TSPAN19: variants seen among roughly 807,000 people sequenced by gnomAD.
TSPAN19 encodes tetraspanin 19, also known as tetraspanin-19.
Under a neutral mutation model 35.1 loss-of-function variants are expected in TSPAN19, and 44 were observed. The ratio of observed to expected loss-of-function variants is 1.25; its 90% confidence interval spans 0.98 to 1.61. The LOEUF (loss-of-function observed/expected upper bound fraction) is 1.61. Ranked by LOEUF, TSPAN19 falls within the 40% of genes most tolerant of loss-of-function variation. TSPAN19 has a pLI of 0.00. For missense variants in TSPAN19, 290 were observed against 280.0 expected (o/e 1.04, Z -0.26); for synonymous variants, 79 against 92.0 (o/e 0.86, Z 0.81).
Position 85,015,887 on chromosome 12 carries a change from C to T in TSPAN19, c.678+1G>A. ...ATTTTAACATATGAACAAAAGCTTA[C>T]CTCTGAAGTTAAAAGTCCAAAGTTA... On this transcript the variant is annotated splice_donor_variant, in intron 8 of 8. Transcript: ENST00000532498. LOFTEE classifies it high-confidence loss of function. 4 of 1,540,316 alleles carry T rather than the reference C, an allele frequency of 2.6e-6. No individual in the cohort carries two copies. The highest frequency in any genetic ancestry group is 2.6e-6 in the Non-Finnish European group (3 of 1,138,900).
chr12:85,032,927 ATAAT>A (rs553695900), intron 1 of TSPAN19, among the ~76,000 whole-genome samples: 9 of 152,264 alleles, frequency 5.9e-5, no homozygotes, highest in Non-Finnish European at 8.8e-5. Context: ...ACAACTTACA[ATAAT>A]TAATCTATTC....
Position 85,029,736 on chromosome 12 carries a change from T to A in TSPAN19, c.122A>T (p.Asn41Ile). Residue 41 changes from asparagine (N) to isoleucine (I), a missense_variant, in exon 3 of 9, where the codon AAT becomes ATT. Asn to Ile is a moderately radical substitution (Grantham distance 149). Transcript: ENST00000532498. ...FGAWLLLDRN[N>I]FLTAFDENNH... ...ATACATACCAAAAGCTGTTAAAAAATTATTTCTATCTAATAAGAGCCATGC... is the reference window on the plus strand; with the variant it reads ...ATACATACCAAAAGCTGTTAAAAAAATATTTCTATCTAATAAGAGCCATGC... 1.9e-6 allele frequency: 3 copies of A among 1,538,502 alleles called. No homozygotes were observed. Among genetic ancestry groups the A allele is most frequent in the Non-Finnish European group, 2.6e-6 (3 of 1,143,620 alleles).
At chr12:85,017,385 T>A in intron 7 of TSPAN19, 71 bp downstream of exon 7, 1 of 1,407,332 alleles carries the variant, frequency 7.1e-7, no homozygotes, top group Non-Finnish European at 9.6e-7. Flanking sequence ...TTGCTCAGAA[T>A]TCTAAATTGA....
At position 85,014,392 on chromosome 12, in the gene TSPAN19, A is replaced by T. The variant is rs1348585596; in HGVS notation, c.*95T>A. On this transcript the variant is annotated 3_prime_UTR_variant, in exon 9 of 9. Transcript: ENST00000532498. ...AATTAATAATTTGAATACATCTGTT[A>T]TTTAATACAATTCAAAACGTTTTTG... 1.3e-6 allele frequency: 1 copy of T among 797,836 alleles called. No individual in the cohort carries two copies. The highest frequency in any genetic ancestry group is 1.8e-5 in the African/African-American group (1 of 55,486). 49.4% of individuals were successfully genotyped at this position (797,836 alleles called of 1,614,324 possible).
chr12:85,033,799 G>A (rs1259301488), intron 1 of TSPAN19, among the ~76,000 whole-genome samples: 1 of 152,072 alleles, frequency 6.6e-6, no homozygotes, highest in Non-Finnish European at 1.5e-5. Flanking sequence ...ATCATCATCT[G>A]TAAATGCAGA....
chr12:85,015,628 A>G (rs1358544928), intron 8 of TSPAN19: 1 of 260,268 alleles, frequency 3.8e-6, no homozygotes, highest in Non-Finnish European at 7.1e-6. Flanking sequence ...ATAGATATAT[A>G]TAGAAAGAAA....
chr12:85,028,432 A>T (rs1877527515), intron 3 of TSPAN19, among the ~76,000 whole-genome samples: 1 of 152,170 alleles, frequency 6.6e-6, no homozygotes. Flanking sequence ...TTTATTGCTA[A>T]TATGATCCCT....
At chr12:85,029,463 T>C (rs1481162317) in intron 3 of TSPAN19, among the ~76,000 whole-genome samples, 1 of 152,142 alleles carries the variant, frequency 6.6e-6, no homozygotes, top group African/African-American at 2.4e-5. Flanking sequence ...CTTCTAGCTA[T>C]TTGTGACTAT....
At chr12:85,025,217 C>A (rs540825598) in intron 4 of TSPAN19, among the ~76,000 whole-genome samples, 51 of 151,566 alleles carry the variant, frequency 3.4e-4, no homozygotes, top group African/African-American at 1.1e-3. Context: ...CTCTCTGCAA[C>A]CTTCGCCTCC....
intron 8 of TSPAN19, 45 bp from the exon 9 acceptor site, chr12:85,014,600 T>C: frequency 7.0e-6 from 10 of 1,431,646 alleles, no homozygotes; most frequent in Non-Finnish European, 9.7e-6. Flanking sequence ...TAATCAATGA[T>C]AAGAGTAATT....
chr12:85,020,142 G>T (rs1181082776), intron 5 of TSPAN19, among the ~76,000 whole-genome samples: 3 of 151,650 alleles, frequency 2.0e-5, no homozygotes, highest in Non-Finnish European at 4.4e-5. Flanking sequence ...TTCTGTGGGG[G>T]TTTGTACTGT....
At chr12:85,020,224 T>G (rs1174127061) in intron 5 of TSPAN19, among the ~76,000 whole-genome samples, 1 of 151,740 alleles carries the variant, frequency 6.6e-6, no homozygotes, top group African/African-American at 2.4e-5. Flanking sequence ...AAGTTATACT[T>G]GGTCAGACAA....
chr12:85,026,396 GA>G (rs1373139503), intron 4 of TSPAN19, among the ~76,000 whole-genome samples: 1 of 152,106 alleles, frequency 6.6e-6, no homozygotes, highest in Non-Finnish European at 1.5e-5. Context: ...AGAATAAGAA[GA>G]AAGAATAAAG....
At chr12:85,024,838 AC>A (rs1275855469) in intron 4 of TSPAN19, 5 of 151,972 alleles carry the variant, frequency 3.3e-5, no homozygotes, top group African/African-American at 1.2e-4. Context: ...CTGAATATTT[AC>A]TAGGCAAAAT....
intron 4 of TSPAN19, 126 bp from the exon 5 acceptor site, chr12:85,023,526 C>A: frequency 1.7e-6 from 1 of 605,096 alleles, no homozygotes; most frequent in East Asian, 3.0e-5. Flanking sequence ...ATTGCTGAGG[C>A]TTCCTGCCTT....
At chr12:85,021,688 ACTG>A (rs1877136204) in intron 5 of TSPAN19, among the ~76,000 whole-genome samples, 1 of 152,112 alleles carries the variant, frequency 6.6e-6, no homozygotes, top group Non-Finnish European at 1.5e-5. Flanking sequence ...TGAGTTAGGT[ACTG>A]TAAATGGCAT....
chr12:85,018,566 TA>T (rs1565764797), intron 6 of TSPAN19, among the ~76,000 whole-genome samples: 1 of 151,930 alleles, frequency 6.6e-6, no homozygotes, highest in Non-Finnish European at 1.5e-5. Context: ...GAAAATACAA[TA>T]CATGTACGGA....
chr12:85,017,644 G>A (rs780456582), intron 6 of TSPAN19, 45 bp from the exon 7 acceptor site: 27 of 1,436,198 alleles, frequency 1.9e-5, no homozygotes, highest in Non-Finnish European at 2.3e-5. Context: ...TGTTCAAAAT[G>A]CAGTTAATTA....
Position 85,023,397 on chromosome 12 carries a change from C to T in TSPAN19, c.268G>A (p.Ala90Thr). 1 of 1,573,938 alleles carries T rather than the reference C, an allele frequency of 6.4e-7. No individual in the cohort carries two copies. The highest frequency in any genetic ancestry group is 8.6e-7 in the Non-Finnish European group (1 of 1,158,340). Residue 90 changes from alanine to threonine, a missense_variant, in exon 5 of 9, where the codon GCA (alanine) becomes ACA (threonine). Ala to Thr is a moderately conservative substitution (Grantham distance 58). Coordinates refer to ENST00000532498, the MANE Select transcript of TSPAN19 (RefSeq NM_001100917.2). ...NEIRWLLIVY[A>T]VLITWTFAVQ... is the part of the protein sequence containing the mutation. The stretch of plus-strand genomic sequence containing the variant: ...GCAAAGGTCCATGTTATCAATACTG[C>T]ATACTAAAACAAAAGAAAAATAGAG...
Sources: allele counts gnomAD v4.1 joint callset (sites outside exome capture counted in the v4.1 genomes callset), GRCh38; gene constraint gnomAD v4.1.1; transcripts MANE v1.5; gene names NCBI Gene and HGNC (gene_info 2026-07-23, HGNC 2026-07-21).